Variants in PACS1 observed in about 807,000 individuals in gnomAD.
The protein encoded by PACS1 is phosphofurin acidic cluster sorting protein 1, also known as PACS-1.
A neutral mutation model predicts 115.0 loss-of-function variants in PACS1; 24 were observed. That is an observed-to-expected ratio of 0.21 (90% CI 0.15 to 0.29). PACS1 has a LOEUF of 0.29. Ranked by LOEUF, PACS1 falls within the 10% of genes least tolerant of loss-of-function variation. The pLI is 1.00. For synonymous variants in PACS1, 453 were observed against 504.5 expected (o/e 0.90, Z 1.37); for missense variants, 838 against 1,251.2 (o/e 0.67, Z 4.98).
chr11:66,237,761 A>C (rs1455708634), intron 19 of PACS1, among the ~76,000 whole-genome samples: 12 of 152,228 alleles, frequency 7.9e-5, no homozygotes, highest in Admixed American at 7.9e-4. Context: ...CAAAAGAGCT[A>C]GCAACCTCAC....
At position 66,243,250 on chromosome 11, in the gene PACS1, G is replaced by A; in HGVS notation, c.2862G>A (p.Val954=). ...QWPTHVKHFP[V]GLFSGSKAT ...CCACCCATGTCAAGCACTTTCCAGT[G>A]GGACTCTTCAGTGGCAGCAAGGCCA... The change falls in exon 24 of 24, where the codon GTG becomes GTA. Residue 954 remains valine (V), a synonymous_variant. Coordinates refer to ENST00000320580, the MANE Select transcript of PACS1 (RefSeq NM_018026.4). 6.2e-7 allele frequency: 1 copy of A among 1,609,456 alleles called. No homozygotes were observed. Among genetic ancestry groups the A allele is most frequent in the East Asian group, 2.2e-5 (1 of 44,588 alleles).
intron 1 of PACS1, among the ~76,000 whole-genome samples, chr11:66,185,460 G>A (rs1408630069): frequency 6.6e-6 from 1 of 152,154 alleles, no homozygotes; most frequent in Non-Finnish European, 1.5e-5. Flanking sequence ...ACCTTCCAAA[G>A]GTGGACTGGC....
At chr11:66,144,374 G>A (rs558004991) in intron 1 of PACS1, among the ~76,000 whole-genome samples, 1 of 152,278 alleles carries the variant, frequency 6.6e-6, no homozygotes, top group East Asian at 1.9e-4. Context: ...TAGAGAAGAG[G>A]AAAACAAATC....
At position 66,166,120 on chromosome 11, in the gene PACS1, T is replaced by G. The variant is rs921043662; in HGVS notation, c.357-27366T>G. 2.0e-5 allele frequency among the ~76,000 whole-genome samples: 3 copies of G among 150,560 alleles called. No individual in the cohort carries two copies. The Admixed American group carries it at 2.0e-4, about 10-fold the overall frequency. ...CCTACTGCATAGTCCAGGCTCCGTT[T>G]GCCTCTGACCTCACATCTTTTTGTT... On this transcript the variant is annotated intron_variant, in intron 1 of 23. Coordinates refer to ENST00000320580, the MANE Select transcript of PACS1 (RefSeq NM_018026.4).
intron 1 of PACS1, among the ~76,000 whole-genome samples, chr11:66,091,757 C>T (rs1468602993): frequency 4.0e-5 from 6 of 151,336 alleles, no homozygotes; most frequent in Admixed American, 2.0e-4. Flanking sequence ...CACCTATGAG[C>T]GAGAATATGC....
intron 1 of PACS1, among the ~76,000 whole-genome samples, chr11:66,071,860 C>T (rs565991875): frequency 1.1e-4 from 16 of 152,226 alleles, no homozygotes; most frequent in African/African-American, 3.9e-4. Context: ...CCTTTCCCCA[C>T]CTTTATTCTG....
chr11:66,146,352 A>T (rs1565123998), intron 1 of PACS1, among the ~76,000 whole-genome samples: 2 of 152,234 alleles, frequency 1.3e-5, no homozygotes, highest in African/African-American at 2.4e-5. Flanking sequence ...AAATCTCAAT[A>T]AAACAGAAAC....
At position 66,216,154 on chromosome 11, in the gene PACS1, T is replaced by A; in HGVS notation, c.696T>A (p.Leu232=). ...MQHPNEGALV[L]GLHSNVKDVS... is the part of the protein sequence containing the mutation. Reference sequence around the variant, plus strand: ...ATCCTAATGAAGGCGCACTGGTGCTTGGCCTACACAGCAACGTGAAGGATG... The same window carrying A: ...ATCCTAATGAAGGCGCACTGGTGCTAGGCCTACACAGCAACGTGAAGGATG... Residue 232 remains leucine (L), a synonymous_variant, in exon 5 of 24, where the codon CTT becomes CTA. Coordinates refer to ENST00000320580, the MANE Select transcript of PACS1 (RefSeq NM_018026.4). 1 of 1,613,962 alleles carries A rather than the reference T, an allele frequency of 6.2e-7. No homozygotes were observed. The highest frequency in any genetic ancestry group is 8.5e-7 in the Non-Finnish European group (1 of 1,179,960).
intron 2 of PACS1, among the ~76,000 whole-genome samples, chr11:66,201,481 G>T: frequency 6.6e-6 from 1 of 151,962 alleles, no homozygotes. Flanking sequence ...AGCTATAAGT[G>T]CCTACATCAA....
At chr11:66,166,739 CT>C (rs1859612559) in intron 1 of PACS1, among the ~76,000 whole-genome samples, 1 of 150,360 alleles carries the variant, frequency 6.7e-6, no homozygotes, top group Admixed American at 6.6e-5. Context: ...ACAGTGTACA[CT>C]TGGGTTCTGA....
At chr11:66,223,478 A>G (rs1855403624) in intron 10 of PACS1, among the ~76,000 whole-genome samples, 1 of 151,530 alleles carries the variant, frequency 6.6e-6, no homozygotes, top group Non-Finnish European at 1.5e-5. Flanking sequence ...TTTCTTTGGT[A>G]TTAGTGTTTA....
intron 1 of PACS1, among the ~76,000 whole-genome samples, chr11:66,129,966 C>T (rs1425040541): frequency 6.6e-6 from 1 of 152,102 alleles, no homozygotes. Flanking sequence ...TAAGGGTACA[C>T]CTGAGCTGAA....
intron 6 of PACS1, 32 bp from the exon 7 acceptor site, chr11:66,216,663 C>T: frequency 6.2e-7 from 1 of 1,611,242 alleles, no homozygotes; most frequent in South Asian, 1.1e-5. Context: ...CCTGGGGTTT[C>T]CCACCCTCAT....
chr11:66,108,778 GAA>G (rs1353307369), intron 1 of PACS1, among the ~76,000 whole-genome samples: 2 of 151,962 alleles, frequency 1.3e-5, no homozygotes, highest in East Asian at 1.9e-4. Context: ...AAGAAAGAGA[GAA>G]AGAGAGAAGA....
chr11:66,086,134 CTTT>C (rs1196106929), intron 1 of PACS1, among the ~76,000 whole-genome samples: 1 of 122,810 alleles, frequency 8.1e-6, no homozygotes, highest in Admixed American at 8.3e-5. Flanking sequence ...CTTATGATTT[CTTT>C]TTTTTTTTTT....
In PACS1 at chr11:66,207,194, C is replaced by T. The variant is rs577075837; in HGVS notation, c.445-3168C>T. 2.6e-5 allele frequency among the ~76,000 whole-genome samples: 4 copies of T among 152,280 alleles called. No homozygotes were observed. In the East Asian group the frequency reaches 7.7e-4, roughly 29 times the overall value. On this transcript the variant is annotated intron_variant, in intron 2 of 23. Coordinates refer to ENST00000320580, the MANE Select transcript of PACS1 (RefSeq NM_018026.4). The stretch of plus-strand genomic sequence containing the variant: ...ACCATTATCACACCTTGGCCAGACG[C>T]GGTGGCTCATGCCTGTAATACCAGC...
At chr11:66,227,272 G>C (rs1157413072) in intron 10 of PACS1, among the ~76,000 whole-genome samples, 1 of 152,122 alleles carries the variant, frequency 6.6e-6, no homozygotes, top group Non-Finnish European at 1.5e-5. Flanking sequence ...CAGAATTTCT[G>C]GGTTCTGAAT....
intron 9 of PACS1, 128 bp downstream of exon 9, chr11:66,220,919 C>A: frequency 2.7e-6 from 3 of 1,126,636 alleles, no homozygotes; most frequent in Non-Finnish European, 2.5e-6. Flanking sequence ...GAACCTCTGG[C>A]TGTCTTGGAG....
rs887399931 is a variant in PACS1, at chr11:66,216,918, C to T, written c.978+143C>T. On this transcript the variant is annotated intron_variant, in intron 7 of 23. Coordinates refer to ENST00000320580, the MANE Select transcript of PACS1 (RefSeq NM_018026.4). ...AACGATTCCAATGAACGCTCTATAT[C>T]CTCACCACCGCCCAATTAGACTCAC... 5.6e-5 allele frequency: 36 copies of T among 640,214 alleles called. 4 individuals are homozygous for T. In the East Asian group the frequency reaches 1.0e-3, roughly 18 times the overall value. The allele number at this position is 640,214 out of a possible 1,614,324, so 39.7% of individuals were successfully genotyped here.
Sources: allele counts gnomAD v4.1 joint callset (sites outside exome capture counted in the v4.1 genomes callset), GRCh38; gene constraint gnomAD v4.1.1; transcripts MANE v1.5; gene names NCBI Gene and HGNC (gene_info 2026-07-23, HGNC 2026-07-21).